The following CNTN4 variants were observed in gnomAD, a reference collection of about 807,000 sequenced individuals.
The protein encoded by CNTN4 is contactin-4.
Under a neutral mutation model 122.5 loss-of-function variants are expected in CNTN4, and 77 were observed. That is an observed-to-expected ratio of 0.63 (90% CI 0.52 to 0.76). The LOEUF is 0.76. Among genes scored for constraint, CNTN4 ranks in the 30% least tolerant of loss-of-function variants. CNTN4 has a pLI of 0.00. For missense variants in CNTN4, 1,256 were observed against 1,259.1 expected (o/e 1.00, Z 0.04); for synonymous variants, 512 against 447.0 (o/e 1.15, Z -1.83).
intron 2 of CNTN4, chr3:2,110,451 A>C (rs2032852811): frequency 6.9e-6 from 1 of 145,896 alleles, no homozygotes; most frequent in Admixed American, 7.2e-5. Context: ...TTGTTTCAAC[A>C]TTCTTTGCCA....
rs1419014936 is a variant in CNTN4 at position 2,582,189 on chromosome 3, GA to G, written c.55+10638del. On this transcript the variant is annotated intron_variant, in intron 4 of 24. Transcript: ENST00000418658. ...TAAAAACAATTAAATATTCTGAGGAGAAAAAAAGTACTACTGTCTCCTGAGA... is the reference window on the plus strand; with the variant it reads ...TAAAAACAATTAAATATTCTGAGGAGAAAAAAGTACTACTGTCTCCTGAGA... Among the ~76,000 whole-genome samples the G allele has an allele frequency of 2.6e-5, 4 of 152,068 alleles. No homozygotes were observed. In the South Asian group the frequency reaches 8.3e-4, roughly 32 times the overall value.
At chr3:2,375,425 A>T (rs373108181) in intron 3 of CNTN4, among the ~76,000 whole-genome samples, 1 of 152,154 alleles carries the variant, frequency 6.6e-6, no homozygotes, top group African/African-American at 2.4e-5. Context: ...GATAGAAAAG[A>T]TATTACGGTG....
rs1345929660 is a variant in CNTN4, at chr3:2,915,850, C to A, written c.1208-9779C>A. 2.6e-5 allele frequency among the ~76,000 whole-genome samples: 4 copies of A among 152,164 alleles called. No individual in the cohort carries two copies. In the East Asian group the frequency reaches 7.7e-4, roughly 29 times the overall value. ...TAGAGGAAATGTGTTTAAGTACATA[C>A]AATGGACTATTATTTCTGTTATGTA... On this transcript the variant is annotated intron_variant, in intron 12 of 24. Transcript: ENST00000418658.
intron 2 of CNTN4, among the ~76,000 whole-genome samples, chr3:2,320,612 T>G (rs1432508473): frequency 6.6e-6 from 1 of 152,142 alleles, no homozygotes; most frequent in East Asian, 1.9e-4. Context: ...CATCAGTCAG[T>G]ATCCCATTTT....
chr3:2,470,466 C>T (rs958602982), intron 3 of CNTN4, among the ~76,000 whole-genome samples: 2 of 152,112 alleles, frequency 1.3e-5, no homozygotes, highest in Non-Finnish European at 2.9e-5. Context: ...ACAACTTACT[C>T]TTTTTTTGCT....
intron 2 of CNTN4, among the ~76,000 whole-genome samples, chr3:2,241,275 ATT>A (rs1256901548): frequency 2.6e-5 from 4 of 152,186 alleles, no homozygotes; most frequent in Admixed American, 2.0e-4. Context: ...TAGTAAATTA[ATT>A]TGTCTTTATT....
chr3:2,765,008 A>G (rs566897568), intron 6 of CNTN4, among the ~76,000 whole-genome samples: 103 of 152,324 alleles, frequency 6.8e-4, no homozygotes, highest in South Asian at 1.0e-3. Flanking sequence ...GCTTTCTGAT[A>G]TTTTTACTAT....
At chr3:3,010,367 A>G (rs1051026069) in intron 14 of CNTN4, among the ~76,000 whole-genome samples, 1 of 151,740 alleles carries the variant, frequency 6.6e-6, no homozygotes, top group African/African-American at 2.4e-5. Flanking sequence ...CCAGTTTAGG[A>G]TTCAGGGTTT....
intron 4 of CNTN4, among the ~76,000 whole-genome samples, chr3:2,641,833 A>G (rs1162599209): frequency 6.6e-6 from 1 of 152,238 alleles, no homozygotes; most frequent in Non-Finnish European, 1.5e-5. Context: ...CTGTATTGAC[A>G]GATGCAACTT....
At chr3:2,735,717 A>G (rs2089036345) in intron 4 of CNTN4, among the ~76,000 whole-genome samples, 1 of 152,302 alleles carries the variant, frequency 6.6e-6, no homozygotes, top group South Asian at 2.1e-4. Flanking sequence ...AGTCATTTTG[A>G]GGAAGTGTTG....
intron 6 of CNTN4, among the ~76,000 whole-genome samples, chr3:2,789,015 T>C (rs1343083862): frequency 5.9e-5 from 9 of 152,208 alleles, no homozygotes; most frequent in South Asian, 2.1e-4. Context: ...CTGTATTTTA[T>C]TTTCTCTTTA....
chr3:2,769,230 G>T (rs936912384), intron 6 of CNTN4, among the ~76,000 whole-genome samples: 6 of 152,046 alleles, frequency 3.9e-5, no homozygotes, highest in Non-Finnish European at 8.8e-5. Context: ...TTGGGAGGCC[G>T]AGGCGGGCAG....
intron 4 of CNTN4, among the ~76,000 whole-genome samples, chr3:2,613,070 G>A (rs1227534425): frequency 6.6e-6 from 1 of 152,074 alleles, no homozygotes; most frequent in African/African-American, 2.4e-5. Context: ...TATCAGTGGT[G>A]CAATACATCA....
intron 6 of CNTN4, among the ~76,000 whole-genome samples, chr3:2,810,952 A>G (rs1158847394): frequency 6.6e-6 from 1 of 151,232 alleles, no homozygotes; most frequent in Non-Finnish European, 1.5e-5. Flanking sequence ...TTTCCCTTTT[A>G]CTCTGAAATA....
chr3:2,499,999 A>C (rs1553669883), intron 3 of CNTN4, among the ~76,000 whole-genome samples: 1 of 152,102 alleles, frequency 6.6e-6, no homozygotes, highest in Non-Finnish European at 1.5e-5. Context: ...AATGATTTTA[A>C]ATGGTATTAT....
At chr3:2,737,743 C>G (rs1448965311) in intron 5 of CNTN4, among the ~76,000 whole-genome samples, 1 of 152,084 alleles carries the variant, frequency 6.6e-6, no homozygotes, top group Non-Finnish European at 1.5e-5. Flanking sequence ...AAGACAAAGC[C>G]TAGACAACCC....
rs187024549 is a variant in CNTN4, at chr3:2,679,683, G to A, written c.56-56532G>A. ...AGATCCAGTGGCCAGATTAGAAAAA[G>A]GATGCATTAGCTCTTGGTTCCTTCT... On this transcript the variant is annotated intron_variant, in intron 4 of 24. Coordinates refer to ENST00000418658, the MANE Select transcript of CNTN4 (RefSeq NM_175607.3). Among the ~76,000 whole-genome samples, 187 of 152,266 alleles carry A rather than the reference G, an allele frequency of 1.2e-3. 1 individual carries two copies. Among genetic ancestry groups the A allele is most frequent in the Middle Eastern group, 6.8e-3 (2 of 294 alleles).
chr3:2,103,398 T>TC (rs1163313168), intron 2 of CNTN4, among the ~76,000 whole-genome samples: 3 of 152,130 alleles, frequency 2.0e-5, no homozygotes, highest in Admixed American at 6.5e-5. Flanking sequence ...TTAAAGTAAC[T>TC]CCCCCCACTT....
chr3:2,439,622 GTA>G (rs2048364420), intron 3 of CNTN4, among the ~76,000 whole-genome samples: 1 of 152,034 alleles, frequency 6.6e-6, no homozygotes, highest in African/African-American at 2.4e-5. Flanking sequence ...TTCTGTCTCT[GTA>G]TGTGTGTGTG....
Sources: gnomAD v4.1 joint callset for allele counts (sites outside exome capture counted in the v4.1 genomes callset) on GRCh38, gnomAD v4.1.1 for gene constraint, MANE v1.5 for transcripts, NCBI Gene and HGNC (gene_info 2026-07-23, HGNC 2026-07-21) for gene names.